The following TENM3 variants were observed in gnomAD, a reference collection of about 807,000 sequenced individuals.
TENM3 encodes teneurin-3.
In TENM3, 63 loss-of-function variants were observed where a neutral mutation model predicts 255.1. That is an observed-to-expected ratio of 0.25 (90% CI 0.20 to 0.30). The LOEUF (loss-of-function observed/expected upper bound fraction) is 0.30, where lower values mean the gene tolerates loss of function less well. Among genes scored for constraint, TENM3 ranks in the 10% least tolerant of loss-of-function variants. The pLI is 1.00. For missense variants in TENM3, 2,929 were observed against 3,461.1 expected (o/e 0.85, Z 3.86); for synonymous variants, 1,306 against 1,322.3 (o/e 0.99, Z 0.27).
the TENM3 span, among the ~76,000 whole-genome samples, chr4:181,470,108 T>TAAAAAAA: frequency 5.9e-4 from 67 of 112,728 alleles, 3 homozygotes; most frequent in African/African-American, 1.8e-3. Flanking sequence ...ATAGCTTCTG[T>TAAAAAAA]AAAAAAAAAA....
At chr4:181,779,260 G>T in the TENM3 span, among the ~76,000 whole-genome samples, 2 of 141,174 alleles carry the variant, frequency 1.4e-5, no homozygotes, top group African/African-American at 5.5e-5. Context: ...TTTACTTTAA[G>T]TTATTTATTT....
At chr4:182,306,849 G>C (rs999186109) in intron 1 of TENM3, among the ~76,000 whole-genome samples, 8 of 152,156 alleles carry the variant, frequency 5.3e-5, no homozygotes, top group African/African-American at 1.7e-4. Context: ...CCTTAGGGGA[G>C]CTCAGTGTTG....
chr4:181,918,577 G>A, the TENM3 span, among the ~76,000 whole-genome samples: 8 of 151,982 alleles, frequency 5.3e-5, no homozygotes, highest in African/African-American at 1.9e-4. Context: ...CCCAATAATG[G>A]AGTTATTTTG....
At chr4:182,305,720 C>T (rs1217064385) in intron 1 of TENM3, among the ~76,000 whole-genome samples, 1 of 152,172 alleles carries the variant, frequency 6.6e-6, no homozygotes, top group Non-Finnish European at 1.5e-5. Flanking sequence ...GGAAGGGTAA[C>T]CCCCTGCAGA....
At chr4:182,656,500 G>A (rs1280039471) in intron 6 of TENM3, among the ~76,000 whole-genome samples, 3 of 152,140 alleles carry the variant, frequency 2.0e-5, no homozygotes, top group East Asian at 1.9e-4. Flanking sequence ...GCTGCTTTTC[G>A]GCTTTCGTGA....
At chr4:181,814,793 C>T in the TENM3 span, among the ~76,000 whole-genome samples, 153 of 152,170 alleles carry the variant, frequency 1.0e-3, no homozygotes, top group Middle Eastern at 0.017. Flanking sequence ...ACATTTGGGA[C>T]TAGCAACATC....
At chr4:181,979,143 T>TATATAC in the TENM3 span, among the ~76,000 whole-genome samples, 1 of 103,810 alleles carries the variant, frequency 9.6e-6, no homozygotes, top group Non-Finnish European at 2.0e-5. Flanking sequence ...TATATATATA[T>TATATAC]ATATATATAT....
chr4:182,367,431 A>G (rs1766503835), intron 3 of TENM3, among the ~76,000 whole-genome samples: 2 of 152,156 alleles, frequency 1.3e-5, no homozygotes, highest in African/African-American at 2.4e-5. Context: ...CAGAACTGAG[A>G]CGCGATGAAC....
At chr4:181,939,278 G>T in the TENM3 span, among the ~76,000 whole-genome samples, 2 of 152,174 alleles carry the variant, frequency 1.3e-5, no homozygotes, top group Non-Finnish European at 2.9e-5. Context: ...GTGTCTCTGT[G>T]TAAGAATGCC....
At chr4:181,760,299 A>C in the TENM3 span, among the ~76,000 whole-genome samples, 1 of 152,162 alleles carries the variant, frequency 6.6e-6, no homozygotes, top group Non-Finnish European at 1.5e-5. Flanking sequence ...TTTAGCAGTT[A>C]AATCTGCCAT....
the TENM3 span, among the ~76,000 whole-genome samples, chr4:182,101,124 A>G: frequency 1.2e-4 from 5 of 40,594 alleles, no homozygotes; most frequent in African/African-American, 4.5e-4. Flanking sequence ...AGAAGGAAGG[A>G]AAGAAGGAAG....
chr4:182,447,393 A>C (rs553319804), intron 3 of TENM3, among the ~76,000 whole-genome samples: 1 of 152,342 alleles, frequency 6.6e-6, no homozygotes, highest in South Asian at 2.1e-4. Flanking sequence ...ATCTACAAAG[A>C]GGTAGAAGAG....
chr4:182,050,146 C>T, the TENM3 span, among the ~76,000 whole-genome samples: 13,302 of 151,954 alleles, frequency 0.088, 621 homozygotes, highest in East Asian at 0.13. Flanking sequence ...ACACCTGCCA[C>T]CACGCCTGGC....
intron 3 of TENM3, among the ~76,000 whole-genome samples, chr4:182,543,224 T>TGGATGGATGCAAGGATGGAG (rs1289704123): frequency 4.1e-4 from 33 of 79,680 alleles, no homozygotes; most frequent in African/African-American, 6.2e-4. Context: ...GAGGGATGCA[T>TGGATGGATGCAAGGATGGAG]GGATGCATGG....
At chr4:181,478,852 C>G in the TENM3 span, among the ~76,000 whole-genome samples, 2 of 152,266 alleles carry the variant, frequency 1.3e-5, no homozygotes, top group East Asian at 1.9e-4. Context: ...ATGGTTTTCA[C>G]GCTGAGCTCA....
the TENM3 span, among the ~76,000 whole-genome samples, chr4:181,559,791 C>T: frequency 6.4e-4 from 97 of 152,194 alleles, 1 homozygote; most frequent in Non-Finnish European, 1.1e-3. Context: ...AGCCGCATAC[C>T]AGCCAAACTA....
At chr4:182,487,112 C>T (rs146499517) in intron 3 of TENM3, among the ~76,000 whole-genome samples, 19 of 152,214 alleles carry the variant, frequency 1.2e-4, no homozygotes, top group South Asian at 2.1e-4. Context: ...AATTCTTGCA[C>T]GTGGTTTCTA....
At chr4:181,933,241 A>C in the TENM3 span, among the ~76,000 whole-genome samples, 151 of 152,298 alleles carry the variant, frequency 9.9e-4, no homozygotes, top group African/African-American at 3.2e-3. Context: ...AAGTTCTTGA[A>C]TTGAGCTTTA....
At chr4:182,217,013 T>C (rs187855162) in intron 1 of TENM3, among the ~76,000 whole-genome samples, 1,011 of 28,392 alleles carry the variant, frequency 0.036, 16 homozygotes, top group Non-Finnish European at 0.054. Flanking sequence ...TTCTTTCTTT[T>C]TTTTTTTTTT....
Sources: gnomAD v4.1 joint callset for allele counts (sites outside exome capture counted in the v4.1 genomes callset) on GRCh38, gnomAD v4.1.1 for gene constraint, MANE v1.5 for transcripts, NCBI Gene and HGNC (gene_info 2026-07-23, HGNC 2026-07-21) for gene names.